ADAMTSL1: variants seen among roughly 807,000 people sequenced by gnomAD.
ADAMTSL1 encodes ADAMTS-like protein 1.
Under a neutral mutation model 201.8 loss-of-function variants are expected in ADAMTSL1, and 126 were observed. The ratio of observed to expected loss-of-function variants is 0.62; its 90% confidence interval spans 0.54 to 0.72. The LOEUF (loss-of-function observed/expected upper bound fraction) is 0.72. ADAMTSL1 is among the 30% of genes least tolerant of loss of function. The pLI, the probability that ADAMTSL1 is intolerant of heterozygous loss-of-function variation, is 0.00. For synonymous variants in ADAMTSL1, 1,121 were observed against 903.4 expected (o/e 1.24, Z -4.32); for missense variants, 2,679 against 2,277.8 (o/e 1.18, Z -3.59).
At chr9:18,362,924 G>A (rs1836591825) in intron 2 of ADAMTSL1, among the ~76,000 whole-genome samples, 1 of 152,122 alleles carries the variant, frequency 6.6e-6, no homozygotes, top group South Asian at 2.1e-4. Flanking sequence ...GTAGCCAAAG[G>A]AAAATAACCC....
intron 2 of ADAMTSL1, among the ~76,000 whole-genome samples, chr9:18,468,671 A>C (rs1004265840): frequency 6.6e-5 from 10 of 152,236 alleles, no homozygotes; most frequent in African/African-American, 2.4e-4. Flanking sequence ...AATCCCTTCG[A>C]GTAATAAATG....
chr9:18,385,028 C>T (rs1837733051), intron 2 of ADAMTSL1, among the ~76,000 whole-genome samples: 1 of 152,170 alleles, frequency 6.6e-6, no homozygotes, highest in Non-Finnish European at 1.5e-5. Context: ...TCCTATAGTG[C>T]CAACTCCCTG....
intron 1 of ADAMTSL1, among the ~76,000 whole-genome samples, chr9:18,081,821 G>A (rs772334399): frequency 2.6e-5 from 4 of 152,118 alleles, no homozygotes; most frequent in Non-Finnish European, 5.9e-5. Context: ...TATCTGCATT[G>A]TTTTAAACAA....
At chr9:18,541,238 C>T (rs1820125677) in intron 3 of ADAMTSL1, among the ~76,000 whole-genome samples, 1 of 152,220 alleles carries the variant, frequency 6.6e-6, no homozygotes. Flanking sequence ...GTGGCAGGCG[C>T]AGTGGCTCAT....
At chr9:18,438,819 T>A (rs1819868323) in intron 2 of ADAMTSL1, among the ~76,000 whole-genome samples, 1 of 151,898 alleles carries the variant, frequency 6.6e-6, no homozygotes. Context: ...CCCTCACAAT[T>A]CTGAAAATGG....
chr9:18,016,104 T>C (rs1370913614), intron 1 of ADAMTSL1, among the ~76,000 whole-genome samples: 1 of 152,052 alleles, frequency 6.6e-6, no homozygotes, highest in Non-Finnish European at 1.5e-5. Context: ...GGCGGGAATG[T>C]TCCTGTTATG....
intron 2 of ADAMTSL1, among the ~76,000 whole-genome samples, chr9:18,321,651 G>A (rs1320910636): frequency 6.6e-6 from 1 of 152,006 alleles, no homozygotes; most frequent in African/African-American, 2.4e-5. Flanking sequence ...AAATTAGCCG[G>A]GCGTGGCAAC....
At chr9:18,370,522 C>T (rs748468695) in intron 2 of ADAMTSL1, among the ~76,000 whole-genome samples, 38 of 152,088 alleles carry the variant, frequency 2.5e-4, no homozygotes, top group Non-Finnish European at 4.3e-4. Flanking sequence ...GCCTCATGCA[C>T]GCCAATGGCT....
chr9:17,971,985 T>A (rs1022155473), intron 1 of ADAMTSL1, among the ~76,000 whole-genome samples: 8 of 151,738 alleles, frequency 5.3e-5, no homozygotes, highest in African/African-American at 1.9e-4. Context: ...AAAATAGAAT[T>A]GACAAAATTA....
chr9:17,993,983 T>A (rs942966966), intron 1 of ADAMTSL1, among the ~76,000 whole-genome samples: 1 of 152,056 alleles, frequency 6.6e-6, no homozygotes, highest in African/African-American at 2.4e-5. Context: ...GGAAACTACC[T>A]TATGTTTGGT....
At chr9:18,761,182 ACAT>A (rs1045154640) in intron 16 of ADAMTSL1, among the ~76,000 whole-genome samples, 2 of 152,250 alleles carry the variant, frequency 1.3e-5, no homozygotes, top group Non-Finnish European at 2.9e-5. Context: ...CAAAACATAA[ACAT>A]CACTTTGTGT....
intron 1 of ADAMTSL1, among the ~76,000 whole-genome samples, chr9:18,147,458 C>A (rs1826694308): frequency 6.6e-6 from 1 of 152,078 alleles, no homozygotes; most frequent in Admixed American, 6.6e-5. Context: ...TCCATCAGCT[C>A]ATTCACTGCT....
chr9:18,598,957 A>T (rs529691471), intron 4 of ADAMTSL1, among the ~76,000 whole-genome samples: 1 of 152,236 alleles, frequency 6.6e-6, no homozygotes, highest in African/African-American at 2.4e-5. Flanking sequence ...TTGTTTTCCC[A>T]AGTTTTTGAC....
intron 2 of ADAMTSL1, among the ~76,000 whole-genome samples, chr9:18,314,939 G>A (rs1015116872): frequency 2.1e-4 from 32 of 150,934 alleles, no homozygotes; most frequent in African/African-American, 7.3e-4. Context: ...TGGGACTACA[G>A]GCGCCCGCTA....
intron 2 of ADAMTSL1, among the ~76,000 whole-genome samples, chr9:18,450,808 A>AT (rs1315794127): frequency 6.6e-6 from 1 of 152,168 alleles, no homozygotes; most frequent in Non-Finnish European, 1.5e-5. Flanking sequence ...AAATGTCATC[A>AT]TTTCCATTGT....
At chr9:18,278,844 T>C (rs778486960) in intron 2 of ADAMTSL1, among the ~76,000 whole-genome samples, 11 of 152,164 alleles carry the variant, frequency 7.2e-5, no homozygotes, top group Non-Finnish European at 8.8e-5. Context: ...CTTCATTCTT[T>C]TTCTTTCTCT....
At chr9:18,027,353 C>T (rs1457187886) in intron 1 of ADAMTSL1, among the ~76,000 whole-genome samples, 1 of 151,764 alleles carries the variant, frequency 6.6e-6, no homozygotes, top group Non-Finnish European at 1.5e-5. Context: ...GTATTTAGAA[C>T]TATAAACTTT....
chr9:17,940,309 C>G (rs1182230592), intron 1 of ADAMTSL1, among the ~76,000 whole-genome samples: 2 of 151,882 alleles, frequency 1.3e-5, no homozygotes, highest in East Asian at 3.9e-4. Context: ...GAGGGTGTTC[C>G]AAAGATCCAG....
chr9:18,828,372 T>C (rs1395174713), intron 22 of ADAMTSL1, among the ~76,000 whole-genome samples: 2 of 151,960 alleles, frequency 1.3e-5, no homozygotes, highest in Non-Finnish European at 2.9e-5. Flanking sequence ...CTTTTTGCTC[T>C]TAGTAAATAA....
Sources: allele counts gnomAD v4.1 joint callset (sites outside exome capture counted in the v4.1 genomes callset), GRCh38; gene constraint gnomAD v4.1.1; transcripts MANE v1.5; gene names NCBI Gene and HGNC (gene_info 2026-07-23, HGNC 2026-07-21).